The following DTX3 variants were observed in gnomAD, a reference collection of about 807,000 sequenced individuals.
DTX3 encodes the protein E3 ubiquitin-protein ligase DTX3.
A neutral mutation model predicts 27.4 loss-of-function variants in DTX3; 10 were observed. That is an observed-to-expected ratio of 0.36 (90% CI 0.22 to 0.62). The LOEUF is 0.62. Ranked by LOEUF, DTX3 falls within the 20% of genes least tolerant of loss-of-function variation. The pLI is 0.68. For synonymous variants in DTX3, 171 were observed against 190.7 expected (o/e 0.90, Z 0.85); for missense variants, 319 against 463.8 (o/e 0.69, Z 2.87).
intron 4 of DTX3, 168 bp downstream of exon 4, chr12:57,606,686 C>T (rs537338507): frequency 6.0e-6 from 8 of 1,342,212 alleles, no homozygotes; most frequent in Non-Finnish European, 8.2e-6. Context: ...TTTTGCTCTT[C>T]AGTGGGTTTT....
Position 57,607,346 on chromosome 12 carries a change from G to A in DTX3, c.483G>A (p.Glu161=), listed in dbSNP as rs1883786615. 1 of 1,611,322 alleles carries A rather than the reference G, an allele frequency of 6.2e-7. No homozygotes were observed. The highest frequency in any genetic ancestry group is 8.5e-7 in the Non-Finnish European group (1 of 1,178,824). Reference sequence around the variant, plus strand: ...TTCGGGAGGAGGCAGAAGAGCAGGAGAGCACCTGCCCCATCTGTCTGGGGG... The same window carrying A: ...TTCGGGAGGAGGCAGAAGAGCAGGAAAGCACCTGCCCCATCTGTCTGGGGG... ...PRLREEAEEQ[E]STCPICLGEI... Residue 161 remains glutamate, a synonymous_variant, in exon 5 of 7, where the codon GAG becomes GAA. Coordinates refer to ENST00000337737, the MANE Select transcript of DTX3 (RefSeq NM_178502.4). This position sits in a 1 kb window ranked among gnomAD's most constrained non-coding sequence, Gnocchi z 7.7.
In DTX3 at chr12:57,607,480, A is replaced by G; in HGVS notation, c.617A>G (p.Tyr206Cys). The part of the protein sequence containing the change: ...KKACPMCGRF[Y>C]GQLVGNQPQN... The stretch of plus-strand genomic sequence containing the variant: ...GCCTGCCCCATGTGCGGCCGCTTCT[A>G]TGGGCAGCTGGTGGGCAACCAGCCC... The change falls in exon 5 of 7, where the codon TAT becomes TGT. Residue 206 changes from tyrosine to cysteine, a missense_variant. Around this residue, in one of 2 missense-constraint regions of DTX3, gnomAD observed 117 missense variants for 258.5 expected, o/e 0.45. Coordinates refer to ENST00000337737, the MANE Select transcript of DTX3 (RefSeq NM_178502.4). The surrounding 1 kb of genome is among the most constrained non-coding windows in gnomAD (Gnocchi z 7.7). 2 of 1,614,150 alleles carry G rather than the reference A, an allele frequency of 1.2e-6. No homozygotes were observed. The highest frequency in any genetic ancestry group is 1.7e-6 in the Non-Finnish European group (2 of 1,180,030).
chr12:57,609,238 CCA>C lies in DTX3; in HGVS notation c.*90_*91del, dbSNP rs2140214509. The stretch of plus-strand genomic sequence containing the variant: ...CTTTCTCCTCTCTGCCCCCTGCCCC[CCA>C]CACCACACCTGTAGGGGACCTGTCT... On this transcript the variant is annotated 3_prime_UTR_variant, in exon 7 of 7. Transcript: ENST00000337737. 1.6e-6 allele frequency: 2 copies of C among 1,231,538 alleles called. No individual in the cohort carries two copies. Among genetic ancestry groups the C allele is most frequent in the East Asian group, 4.8e-5 (2 of 41,632 alleles). 76.3% of individuals were successfully genotyped at this position (1,231,538 alleles called of 1,614,324 possible).
At chr12:57,604,880 C>A (rs560923821) in intron 1 of DTX3, 22 bp downstream of exon 1, 1 of 151,876 alleles carries the variant, frequency 6.6e-6, no homozygotes, top group East Asian at 1.9e-4. Context: ...CGGCGCCCCC[C>A]ACACCCACCG....
At chr12:57,606,832 C>A (rs1303727898) in intron 4 of DTX3, 33 bp from the exon 5 acceptor site, 1 of 1,573,110 alleles carries the variant, frequency 6.4e-7, no homozygotes, top group Non-Finnish European at 8.6e-7. Context: ...AATGGGGACC[C>A]CCCACCCTGA....
rs1883905252 is a variant in DTX3, at chr12:57,609,227, C to A, written c.*75C>A. ...AGCAGAAGCCTCTTTCTCCTCTCTG[C>A]CCCCTGCCCCCCACACCACACCTGT... On this transcript the variant is annotated 3_prime_UTR_variant, in exon 7 of 7. Coordinates refer to ENST00000337737, the MANE Select transcript of DTX3 (RefSeq NM_178502.4). 4.4e-6 allele frequency: 6 copies of A among 1,354,244 alleles called. No individual in the cohort carries two copies. In the East Asian group the frequency reaches 9.4e-5, roughly 21 times the overall value. 83.9% of individuals were successfully genotyped at this position (1,354,244 alleles called of 1,614,324 possible).
rs200246539 is a variant in DTX3, at chr12:57,607,568, C to T, written c.705C>T (p.Tyr235=). The part of the protein sequence containing the change: ...ATLLLPSYEK[Y]GTIVIQYVFP... ...TCCTACTGCCCAGCTATGAGAAGTACGGCACCATTGTCATCCAGTACGTCT... is the reference window on the plus strand; with the variant it reads ...TCCTACTGCCCAGCTATGAGAAGTATGGCACCATTGTCATCCAGTACGTCT... The change falls in exon 5 of 7, where the codon TAC becomes TAT. Residue 235 remains tyrosine, a synonymous_variant. Coordinates refer to ENST00000337737, the MANE Select transcript of DTX3 (RefSeq NM_178502.4). The surrounding 1 kb of genome is among the most constrained non-coding windows in gnomAD (Gnocchi z 7.7). The T allele has an allele frequency of 7.5e-5, 121 of 1,614,066 alleles. No individual in the cohort carries two copies. Among genetic ancestry groups the T allele is most frequent in the Non-Finnish European group, 9.4e-5 (111 of 1,180,034 alleles).
At position 57,607,536 on chromosome 12, in the gene DTX3, G is replaced by A. The variant is rs746868676; in HGVS notation, c.673G>A (p.Ala225Thr). The A allele has an allele frequency of 2.5e-6, 4 of 1,614,074 alleles. No homozygotes were observed. In the African/African-American group the frequency reaches 4.0e-5, roughly 16 times the overall value. The change falls in exon 5 of 7, where the codon GCC becomes ACC. Residue 225 changes from alanine to threonine, a missense_variant. By Grantham distance (58) the Ala-to-Thr change is moderately conservative. Around this residue, in one of 2 missense-constraint regions of DTX3, gnomAD observed 117 missense variants for 258.5 expected, o/e 0.45. Transcript: ENST00000337737. The surrounding 1 kb of genome is among the most constrained non-coding windows in gnomAD (Gnocchi z 7.7). ...TGGGCGGATGCTGGTCTCTAAGGAC[G>A]CCACCCTCCTACTGCCCAGCTATGA... ...QNGRMLVSKD[A>T]TLLLPSYEKY...
chr12:57,606,960 A>T lies in DTX3; in HGVS notation c.97A>T (p.Thr33Ser), dbSNP rs1281110272. 1.2e-6 allele frequency: 2 copies of T among 1,613,868 alleles called. No individual in the cohort carries two copies. The highest frequency in any genetic ancestry group is 1.7e-6 in the Non-Finnish European group (2 of 1,180,000). ...CGTGTGGGACTTCCTGAGCAAAGAG[A>T]CCCCAGCCCGGCTGGCCCGGCTTCG... is the stretch of plus-strand genomic sequence containing the variant. ...KPVWDFLSKETPARLARLREE... is the reference protein window; with the variant it reads ...KPVWDFLSKESPARLARLREE... Residue 33 changes from threonine (T) to serine (S), a missense_variant, in exon 5 of 7, where the codon ACC becomes TCC. Coordinates refer to ENST00000337737, the MANE Select transcript of DTX3 (RefSeq NM_178502.4).
Position 57,608,606 on chromosome 12 carries a change from G to T in DTX3, c.837G>T (p.Leu279=), listed in dbSNP as rs759767957. The part of the protein sequence containing the change: ...LPDCPEGNKV[L]TLFRKAFDQR... ...ACTGCCCTGAGGGCAACAAGGTGCT[G>T]ACCCTGTTCCGCAAGGCGTTTGACC... Residue 279 remains leucine, a synonymous_variant, in exon 6 of 7, where the codon CTG becomes CTT. Coordinates refer to ENST00000337737, the MANE Select transcript of DTX3 (RefSeq NM_178502.4). The surrounding 1 kb of genome is among the most constrained non-coding windows in gnomAD (Gnocchi z 6.1). 1.2e-6 allele frequency: 2 copies of T among 1,614,220 alleles called. No homozygotes were observed. The highest frequency in any genetic ancestry group is 1.7e-6 in the Non-Finnish European group (2 of 1,180,024).
At chr12:57,606,587 A>G in intron 4 of DTX3, 69 bp downstream of exon 4, 1 of 1,589,026 alleles carries the variant, frequency 6.3e-7, no homozygotes, top group Non-Finnish European at 8.6e-7. Context: ...AAGAGGTGGG[A>G]GGGGCAAGTT....
chr12:57,609,106 C>T lies in DTX3; in HGVS notation c.998C>T (p.Thr333Ile), dbSNP rs978568996. 6.2e-7 allele frequency: 1 copy of T among 1,614,044 alleles called. No individual in the cohort carries two copies. Among genetic ancestry groups the T allele is most frequent in the Non-Finnish European group, 8.5e-7 (1 of 1,180,038 alleles). ...LFGYPDPTYL[T>I]RVQEELRAKG... The stretch of plus-strand genomic sequence containing the variant: ...GGGTACCCAGACCCCACCTACCTGA[C>T]CCGGGTGCAAGAGGAGCTGAGAGCG... Residue 333 changes from threonine (T) to isoleucine (I), a missense_variant, in exon 7 of 7, where the codon ACC becomes ATC. By Grantham distance (89) the Thr-to-Ile change is moderately conservative (BLOSUM62 -1). Around this residue, in one of 2 missense-constraint regions of DTX3, gnomAD observed 117 missense variants for 258.5 expected, o/e 0.45. Transcript: ENST00000337737.
Position 57,607,514 on chromosome 12 carries a change from G to T in DTX3, c.651G>T (p.Gly217=), listed in dbSNP as rs778221912. 2 of 1,614,224 alleles carry T rather than the reference G, an allele frequency of 1.2e-6. No homozygotes were observed. Among genetic ancestry groups the T allele is most frequent in the South Asian group, 2.2e-5 (2 of 91,090 alleles). The change falls in exon 5 of 7, where the codon GGG becomes GGT. Residue 217 remains glycine, a synonymous_variant. Transcript: ENST00000337737. This position sits in a 1 kb window ranked among gnomAD's most constrained non-coding sequence, Gnocchi z 7.7. Reference sequence around the variant, plus strand: ...TGGTGGGCAACCAGCCCCAGAATGGGCGGATGCTGGTCTCTAAGGACGCCA... The same window carrying T: ...TGGTGGGCAACCAGCCCCAGAATGGTCGGATGCTGGTCTCTAAGGACGCCA... ...GQLVGNQPQN[G]RMLVSKDATL...
intron 6 of DTX3, 54 bp from the exon 7 acceptor site, chr12:57,609,023 A>G: frequency 2.0e-6 from 3 of 1,525,974 alleles, no homozygotes; most frequent in Non-Finnish European, 2.7e-6. Flanking sequence ...GCATGGGGAT[A>G]ATAGCAAGTT....
At position 57,607,675 on chromosome 12, in the gene DTX3, C is replaced by T. The variant is rs780156680; in HGVS notation, c.750+62C>T. On this transcript the variant is annotated intron_variant, in intron 5 of 6. Coordinates refer to ENST00000337737, the MANE Select transcript of DTX3 (RefSeq NM_178502.4). This position sits in a 1 kb window ranked among gnomAD's most constrained non-coding sequence, Gnocchi z 7.7. ...TCCCCAAGCTCTGACCTAGGAAAAC[C>T]GGGTGAGGGTGAGTGTGCTTGTTAG... 4.2e-5 allele frequency: 68 copies of T among 1,603,036 alleles called. No individual in the cohort carries two copies. Among genetic ancestry groups the T allele is most frequent in the Middle Eastern group, 1.7e-4 (1 of 6,042 alleles).
At position 57,606,188 on chromosome 12, in the gene DTX3, A is replaced by C. The variant is rs1883710279; in HGVS notation, c.-138-2A>C. The C allele has an allele frequency of 3.0e-6, 1 of 329,348 alleles. No homozygotes were observed. Among genetic ancestry groups the C allele is most frequent in the East Asian group, 5.9e-5 (1 of 17,082 alleles). The allele number at this position is 329,348 out of a possible 1,614,324, so 20.4% of individuals were successfully genotyped here. ...AACTTTTTACCCTTCCCCCACTCCC[A>C]GTCCTGGTCAGCTGAGTGGAAATAG... is the stretch of plus-strand genomic sequence containing the variant. On this transcript the variant is annotated splice_acceptor_variant, in intron 2 of 6. Coordinates refer to ENST00000337737, the MANE Select transcript of DTX3 (RefSeq NM_178502.4). LOFTEE classifies it low-confidence loss of function (5UTR_SPLICE).
At position 57,608,623 on chromosome 12, in the gene DTX3, C is replaced by T. The variant is rs1883857563; in HGVS notation, c.854C>T (p.Ala285Val). 1.9e-6 allele frequency: 3 copies of T among 1,614,112 alleles called. No homozygotes were observed. Among genetic ancestry groups the T allele is most frequent in the African/African-American group, 1.3e-5 (1 of 74,938 alleles). The change falls in exon 6 of 7, where the codon GCG becomes GTG. Residue 285 changes from alanine (A) to valine (V), a missense_variant. Ala to Val is a moderately conservative substitution (Grantham distance 64). Transcript: ENST00000337737. This position sits in a 1 kb window ranked among gnomAD's most constrained non-coding sequence, Gnocchi z 6.1. ...AAGGTGCTGACCCTGTTCCGCAAGG[C>T]GTTTGACCAGCGTCTCACCTTCACT... Reference protein sequence around the residue: ...GNKVLTLFRKAFDQRLTFTIG... With the variant: ...GNKVLTLFRKVFDQRLTFTIG...
chr12:57,605,318 C>T (rs1806652), intron 1 of DTX3: 27,319 of 152,190 alleles, frequency 0.18, 2,819 homozygotes, highest in Non-Finnish European at 0.23. Flanking sequence ...AAACTGGGGC[C>T]CCGCCTCCCT....
intron 2 of DTX3, 55 bp from the exon 3 acceptor site, chr12:57,606,135 T>C (rs1442087811): frequency 3.5e-5 from 7 of 200,126 alleles, no homozygotes; most frequent in Non-Finnish European, 7.0e-5. Context: ...CTGGGTTGGC[T>C]GAGGGGAATG....
Sources: allele counts gnomAD v4.1 joint callset, GRCh38; gene constraint gnomAD v4.1.1; regional missense constraint gnomAD v4.1.1; non-coding constraint Gnocchi (gnomAD v3.1); transcripts MANE v1.5; gene names NCBI Gene and HGNC (gene_info 2026-07-23, HGNC 2026-07-21).